MEI4: variants seen among roughly 807,000 people sequenced by gnomAD.
MEI4 encodes the protein meiosis-specific protein MEI4.
MEI4 carries 27 observed loss-of-function variants against 31.4 expected under a neutral mutation model. The ratio of observed to expected loss-of-function variants is 0.86; its 90% CI spans 0.63 to 1.19. The LOEUF is 1.19. Among genes scored for constraint, MEI4 ranks in the 50% most tolerant of loss-of-function variants. The pLI is 0.00. For synonymous variants in MEI4, 122 were observed against 145.4 expected (o/e 0.84, Z 1.16); for missense variants, 329 against 398.9 (o/e 0.82, Z 1.49).
At chr6:77,921,088 A>G (rs1766691966) in intron 4 of MEI4, among the ~76,000 whole-genome samples, 2 of 151,910 alleles carry the variant, frequency 1.3e-5, no homozygotes, top group Non-Finnish European at 2.9e-5. Flanking sequence ...CCCTGTAGCT[A>G]CAAAATTCCT....
Position 77,841,314 on chromosome 6 carries a change from C to CATAT in MEI4, c.900+12269_900+12272dup, listed in dbSNP as rs1315994932. 1.8e-3 allele frequency among the ~76,000 whole-genome samples: 95 copies of CATAT among 51,874 alleles called. 3 individuals carry two copies. The highest frequency in any genetic ancestry group is 7.6e-3 in the African/African-American group (65 of 8,576). 34.0% of individuals were successfully genotyped at this position (51,874 alleles called of 152,430 possible). On this transcript the variant is annotated intron_variant, in intron 4 of 4. Transcript: ENST00000684080. ...TACTGAGAAAGGTTACAAATGTGTG[C>CATAT]ATATATATATATATATATATTTTTT...
rs1292532788 is a variant in MEI4, at chr6:77,926,497, G to A, written c.*3151G>A. The A allele has an allele frequency of 1.3e-5, 2 of 151,848 alleles. No homozygotes were observed. Among genetic ancestry groups the A allele is most frequent in the East Asian group, 1.9e-4 (1 of 5,164 alleles). 9.4% of individuals were successfully genotyped at this position (151,848 alleles called of 1,614,324 possible). A position where few individuals can be genotyped will look rare whatever the true frequency, so the allele number is the denominator to read the frequency against. ...GGTTTGTTCTTGGAAAAATATATAC[G>A]ATTATCTCACAGGCCTTGTACTTTT... On this transcript the variant is annotated 3_prime_UTR_variant, in exon 5 of 5. Transcript: ENST00000684080.
intron 2 of MEI4, among the ~76,000 whole-genome samples, chr6:77,740,262 G>A (rs1481926603): frequency 2.0e-5 from 3 of 152,168 alleles, no homozygotes; most frequent in South Asian, 4.2e-4. Context: ...GGTGGCACAT[G>A]AGGATGAGAA....
At chr6:77,791,931 C>T (rs77982951) in intron 3 of MEI4, among the ~76,000 whole-genome samples, 15,882 of 152,220 alleles carry the variant, frequency 0.1, 1,119 homozygotes, top group East Asian at 0.27. Flanking sequence ...CTTTGACCAA[C>T]ACCTCCCACA....
chr6:77,870,224 CA>C (rs1562019980), intron 4 of MEI4, among the ~76,000 whole-genome samples: 1 of 152,182 alleles, frequency 6.6e-6, no homozygotes, highest in East Asian at 1.9e-4. Context: ...AATACTCTCT[CA>C]CCATGATGCT....
chr6:77,883,605 C>T (rs1771538600), intron 4 of MEI4, among the ~76,000 whole-genome samples: 1 of 151,358 alleles, frequency 6.6e-6, no homozygotes, highest in African/African-American at 2.4e-5. Flanking sequence ...GTTCCATCTG[C>T]AGATGACACT....
intron 1 of MEI4, among the ~76,000 whole-genome samples, chr6:77,661,761 G>A (rs1768514721): frequency 1.3e-5 from 2 of 152,128 alleles, no homozygotes; most frequent in South Asian, 4.2e-4. Context: ...TATTTTCCTT[G>A]GTCTAAGAAC....
chr6:77,697,364 G>A (rs1766077827), intron 2 of MEI4, among the ~76,000 whole-genome samples: 1 of 152,046 alleles, frequency 6.6e-6, no homozygotes, highest in African/African-American at 2.4e-5. Context: ...ATGTTAGGGT[G>A]TCAATTTTGG....
At position 77,688,394 on chromosome 6, in the gene MEI4, A is replaced by G. The variant is rs137886087; in HGVS notation, c.-14-2264A>G. Among the ~76,000 whole-genome samples, 22 of 152,212 alleles carry G rather than the reference A, an allele frequency of 1.4e-4. No homozygotes were observed. In the East Asian group the frequency reaches 3.3e-3, roughly 23 times the overall value. ...GCAATTATTTCTTTTCATTTGTAGT[A>G]CAAATCTAAATGTTCAGACAAATGA... On this transcript the variant is annotated intron_variant, in intron 1 of 4. Coordinates refer to ENST00000684080, the MANE Select transcript of MEI4 (RefSeq NM_001322247.2).
At chr6:77,910,093 C>A (rs1308126118) in intron 4 of MEI4, among the ~76,000 whole-genome samples, 2 of 152,118 alleles carry the variant, frequency 1.3e-5, no homozygotes, top group Non-Finnish European at 2.9e-5. Flanking sequence ...AAACCCACAG[C>A]CAGTATCATA....
intron 2 of MEI4, among the ~76,000 whole-genome samples, chr6:77,744,167 C>T (rs1273429210): frequency 1.3e-5 from 2 of 152,272 alleles, no homozygotes; most frequent in Non-Finnish European, 2.9e-5. Context: ...GATCAAACTA[C>T]TCCGAGCTAC....
At chr6:77,920,054 G>A (rs1469237400) in intron 4 of MEI4, among the ~76,000 whole-genome samples, 20 of 147,156 alleles carry the variant, frequency 1.4e-4, no homozygotes, top group East Asian at 4.2e-4. Context: ...ATTCACAGCC[G>A]AATTCTACCA....
Position 77,810,507 on chromosome 6 carries a change from C to A in MEI4, c.769-18424C>A, listed in dbSNP as rs148685587. On this transcript the variant is annotated intron_variant, in intron 3 of 4. Coordinates refer to ENST00000684080, the MANE Select transcript of MEI4 (RefSeq NM_001322247.2). ...ATAAGGGGTGAAGAAGGCATCTGCC[C>A]GGTGCCAGAAAACAAAAAGTAAAGG... Among the ~76,000 whole-genome samples, 213 of 152,138 alleles carry A rather than the reference C, an allele frequency of 1.4e-3. 1 individual carries two copies. Among genetic ancestry groups the A allele is most frequent in the African/African-American group, 4.5e-3 (187 of 41,500 alleles).
chr6:77,922,531 C>T (rs1256123065), intron 4 of MEI4, among the ~76,000 whole-genome samples: 1 of 151,680 alleles, frequency 6.6e-6, no homozygotes. Context: ...ACTTATCTAT[C>T]TCACATTCAA....
At chr6:77,695,297 G>C (rs1186876530) in intron 2 of MEI4, among the ~76,000 whole-genome samples, 1 of 152,030 alleles carries the variant, frequency 6.6e-6, no homozygotes, top group African/African-American at 2.4e-5. Flanking sequence ...TTTGGCTTTT[G>C]TTGCCATTGC....
Position 77,820,638 on chromosome 6 carries a change from G to A in MEI4, c.769-8293G>A, listed in dbSNP as rs1008039180. ...TGACTCATATTCATACATTGAAAAC[G>A]TCTTATTTTCTCTTTGTTCTTGAAG... is the stretch of plus-strand genomic sequence containing the variant. On this transcript the variant is annotated intron_variant, in intron 3 of 4. Transcript: ENST00000684080. The surrounding 1 kb of genome is among the most constrained non-coding windows in gnomAD (Gnocchi z 4.5). Among the ~76,000 whole-genome samples the A allele has an allele frequency of 3.3e-5, 5 of 151,836 alleles. No individual in the cohort carries two copies. Among genetic ancestry groups the A allele is most frequent in the Non-Finnish European group, 5.9e-5 (4 of 67,986 alleles).
chr6:77,779,361 A>ATCATATGTAACATATC (rs1201545724), intron 3 of MEI4, among the ~76,000 whole-genome samples: 1 of 152,220 alleles, frequency 6.6e-6, no homozygotes, highest in Non-Finnish European at 1.5e-5. Context: ...TCATATGATT[A>ATCATATGTAACATATC]ATATGTAACT....
chr6:77,922,207 A>G (rs1207703969), intron 4 of MEI4, among the ~76,000 whole-genome samples: 1 of 151,682 alleles, frequency 6.6e-6, no homozygotes, highest in Non-Finnish European at 1.5e-5. Context: ...ATACAGTGAA[A>G]ATATTTCGTA....
intron 3 of MEI4, among the ~76,000 whole-genome samples, chr6:77,802,000 G>A (rs1393725796): frequency 1.3e-5 from 2 of 152,162 alleles, no homozygotes; most frequent in Non-Finnish European, 2.9e-5. Context: ...TTGGTGAAGA[G>A]CTGAGTTCAG....
Sources: gnomAD v4.1 joint callset for allele counts (sites outside exome capture counted in the v4.1 genomes callset) on GRCh38, gnomAD v4.1.1 for gene constraint, Gnocchi (gnomAD v3.1) non-coding constraint, MANE v1.5 for transcripts, NCBI Gene and HGNC (gene_info 2026-07-23, HGNC 2026-07-21) for gene names.